ERC2: variants seen among roughly 807,000 people sequenced by gnomAD.
ERC2 encodes ERC protein 2.
A neutral mutation model predicts 114.8 loss-of-function variants in ERC2; 42 were observed. The observed-to-expected ratio is 0.37, with a 90% confidence interval of 0.29 to 0.47. The LOEUF is 0.47. Ranked by LOEUF, ERC2 falls within the 20% of genes least tolerant of loss-of-function variation. The pLI, the probability that ERC2 is intolerant of heterozygous loss-of-function variation, is 0.99. For missense variants in ERC2, 939 were observed against 1,150.7 expected, an observed-to-expected ratio of 0.82 and a Z score of 2.66; for synonymous variants, 454 against 425.5, an observed-to-expected ratio of 1.07 and a Z score of -0.82.
intron 6 of ERC2, among the ~76,000 whole-genome samples, chr3:56,120,487 T>C (rs935619591): frequency 8.6e-5 from 13 of 152,018 alleles, no homozygotes; most frequent in African/African-American, 2.7e-4. Context: ...AAGAGAGAGA[T>C]TGTAGTGTTG....
At chr3:55,637,137 G>A (rs956516052) in intron 17 of ERC2, among the ~76,000 whole-genome samples, 5 of 152,188 alleles carry the variant, frequency 3.3e-5, no homozygotes, top group Non-Finnish European at 7.3e-5. Flanking sequence ...CTGAGGCCCT[G>A]ACAGGACAAA....
In ERC2 at chr3:56,061,926, T is replaced by C. The variant is rs377112986; in HGVS notation, c.1641+18891A>G. The stretch of plus-strand genomic sequence containing the variant: ...AAATTAGCTGATATACACGTGGGTA[T>C]AAGCACATTACCGTGACCAACTTAA... On this transcript the variant is annotated intron_variant, in intron 7 of 17. Coordinates refer to ENST00000288221, the MANE Select transcript of ERC2 (RefSeq NM_015576.3). Among the ~76,000 whole-genome samples the C allele has an allele frequency of 2.3e-3, 350 of 152,340 alleles. 1 individual carries two copies. The South Asian group carries it at 0.029, about 12-fold the overall frequency.
chr3:55,682,458 C>T (rs1027346341), intron 17 of ERC2, among the ~76,000 whole-genome samples: 2 of 152,110 alleles, frequency 1.3e-5, no homozygotes, highest in African/African-American at 4.8e-5. Context: ...TGAAAACCAC[C>T]ATCCTGTGAA....
chr3:56,362,330 C>T (rs2058988853), intron 2 of ERC2, among the ~76,000 whole-genome samples: 1 of 152,188 alleles, frequency 6.6e-6, no homozygotes, highest in South Asian at 2.1e-4. Flanking sequence ...ATAAGGAAAA[C>T]ACCTTTAGAT....
Position 56,149,076 on chromosome 3 carries a change from C to G in ERC2, c.1206G>C (p.Gln402His). The G allele has an allele frequency of 1.2e-6, 2 of 1,613,114 alleles. No homozygotes were observed. Among genetic ancestry groups the G allele is most frequent in the Non-Finnish European group, 1.7e-6 (2 of 1,179,440 alleles). Residue 402 changes from glutamine (Q) to histidine (H), a missense_variant, in exon 5 of 18, where the codon CAG (glutamine) becomes CAC (histidine). This residue lies in a region of ERC2 where 148 missense variants were observed against 159.1 expected (regional missense o/e 0.93). Coordinates refer to ENST00000288221, the MANE Select transcript of ERC2 (RefSeq NM_015576.3). ...RNIRDLEDEI[Q>H]MLKANGVLNT... ...TCAGCACACCATTGGCTTTTAACAT[C>G]TGGATCTCATCCTCAAGATCCCTTA...
intron 2 of ERC2, among the ~76,000 whole-genome samples, chr3:56,398,697 A>T (rs1438255063): frequency 6.6e-6 from 1 of 152,050 alleles, no homozygotes; most frequent in Non-Finnish European, 1.5e-5. Flanking sequence ...GTATGATCAT[A>T]GTTCACTGTA....
At chr3:55,989,657 T>TTA (rs2149520881) in intron 11 of ERC2, among the ~76,000 whole-genome samples, 1 of 152,310 alleles carries the variant, frequency 6.6e-6, no homozygotes, top group South Asian at 2.1e-4. Context: ...GATTAGATTC[T>TTA]TATGAGCTCT....
At chr3:55,961,845 T>C (rs1341798536) in intron 12 of ERC2, among the ~76,000 whole-genome samples, 11 of 107,466 alleles carry the variant, frequency 1.0e-4, no homozygotes, top group African/African-American at 4.0e-4. Flanking sequence ...AATGAAATGA[T>C]ACCCAGTCAA....
At chr3:55,598,144 G>A (rs2058236566) in intron 17 of ERC2, among the ~76,000 whole-genome samples, 1 of 152,198 alleles carries the variant, frequency 6.6e-6, no homozygotes, top group Non-Finnish European at 1.5e-5. Context: ...GTCTTTTTCA[G>A]CAAATTCAGT....
intron 2 of ERC2, among the ~76,000 whole-genome samples, chr3:56,409,126 G>A (rs180975974): frequency 1.6e-4 from 24 of 152,300 alleles, no homozygotes; most frequent in Admixed American, 3.9e-4. Flanking sequence ...GGCCAGAGGC[G>A]GCACGTGACC....
intron 10 of ERC2, among the ~76,000 whole-genome samples, chr3:55,995,998 C>T (rs980822312): frequency 8.5e-5 from 13 of 152,106 alleles, no homozygotes; most frequent in South Asian, 2.1e-4. Context: ...TAGCAGCTCC[C>T]GATAGAGATC....
At chr3:56,098,993 G>T (rs1485444456) in intron 6 of ERC2, among the ~76,000 whole-genome samples, 1 of 152,192 alleles carries the variant, frequency 6.6e-6, no homozygotes, top group East Asian at 1.9e-4. Flanking sequence ...ATGTGATCTT[G>T]TTTGGATAAA....
At chr3:55,917,414 A>G (rs1416426189) in intron 13 of ERC2, among the ~76,000 whole-genome samples, 1 of 152,198 alleles carries the variant, frequency 6.6e-6, no homozygotes, top group African/African-American at 2.4e-5. Flanking sequence ...ATTCCTAACA[A>G]TAAATGAAAT....
At chr3:56,394,890 C>A (rs1334015465) in intron 2 of ERC2, among the ~76,000 whole-genome samples, 1 of 151,746 alleles carries the variant, frequency 6.6e-6, no homozygotes, top group Non-Finnish European at 1.5e-5. Flanking sequence ...TTCATATTAG[C>A]CAAAAAGTGG....
intron 2 of ERC2, among the ~76,000 whole-genome samples, chr3:56,313,412 TC>T (rs1394647142): frequency 6.6e-6 from 1 of 152,104 alleles, no homozygotes; most frequent in African/African-American, 2.4e-5. Context: ...ACGGATGCCT[TC>T]CTATTTCCCA....
chr3:55,743,263 C>T (rs981472080), intron 14 of ERC2, among the ~76,000 whole-genome samples: 7 of 148,666 alleles, frequency 4.7e-5, no homozygotes, highest in African/African-American at 1.8e-4. Flanking sequence ...GCCCATCCGG[C>T]GGTTCCTCCA....
In ERC2 at chr3:56,163,603, T is replaced by C. The variant is rs184697530; in HGVS notation, c.1149+9843A>G. On this transcript the variant is annotated intron_variant, in intron 4 of 17. Coordinates refer to ENST00000288221, the MANE Select transcript of ERC2 (RefSeq NM_015576.3). Reference sequence around the variant, plus strand: ...TAGAAAAGTCTTTATCCTTTATCATTATGTAATGCCTTTCTTTGTCCTTTT... The same window carrying C: ...TAGAAAAGTCTTTATCCTTTATCATCATGTAATGCCTTTCTTTGTCCTTTT... Among the ~76,000 whole-genome samples the C allele has an allele frequency of 7.2e-4, 110 of 152,246 alleles. 1 individual carries two copies. The Middle Eastern group carries it at 0.01, about 14-fold the overall frequency.
intron 3 of ERC2, among the ~76,000 whole-genome samples, chr3:56,260,306 G>A (rs1336934316): frequency 6.6e-6 from 1 of 152,178 alleles, no homozygotes; most frequent in Non-Finnish European, 1.5e-5. Flanking sequence ...GGAAGCAGAT[G>A]AGAATAACAG....
chr3:56,017,443 A>G (rs2073382699), intron 8 of ERC2, among the ~76,000 whole-genome samples: 1 of 152,078 alleles, frequency 6.6e-6, no homozygotes, highest in African/African-American at 2.4e-5. Flanking sequence ...TCAGAAGGAA[A>G]CCCTCAGGAT....
Sources: gnomAD v4.1 joint callset for allele counts (sites outside exome capture counted in the v4.1 genomes callset) on GRCh38, gnomAD v4.1.1 for gene constraint, gnomAD v4.1.1 regional missense constraint, MANE v1.5 for transcripts, NCBI Gene and HGNC (gene_info 2026-07-23, HGNC 2026-07-21) for gene names.